The following KATNBL1 variants were observed in gnomAD, a reference collection of about 807,000 sequenced individuals.
KATNBL1 encodes KATNB1-like protein 1.
In KATNBL1, 28 loss-of-function variants were observed where a neutral mutation model predicts 44.7. That is an observed-to-expected ratio of 0.63 (90% CI 0.46 to 0.86). The LOEUF (loss-of-function observed/expected upper bound fraction) is 0.86. Ranked by LOEUF, KATNBL1 falls within the 40% of genes least tolerant of loss-of-function variation. The probability of loss-of-function intolerance (pLI) is 0.00; values close to 1 mark genes in which losing one functional copy is unlikely to be tolerated. For synonymous variants in KATNBL1, 78 were observed against 114.9 expected, an observed-to-expected ratio of 0.68 and a Z score of 2.06; for missense variants, 272 against 350.7, an observed-to-expected ratio of 0.78 and a Z score of 1.79.
intron 1 of KATNBL1, among the ~76,000 whole-genome samples, chr15:34,189,661 A>G (rs1889818648): frequency 6.6e-6 from 1 of 152,238 alleles, no homozygotes; most frequent in Non-Finnish European, 1.5e-5. Context: ...ACAGTTTCCT[A>G]AACAAAAAGA....
At chr15:34,204,591 T>A (rs1890246633) in intron 1 of KATNBL1, among the ~76,000 whole-genome samples, 1 of 152,218 alleles carries the variant, frequency 6.6e-6, no homozygotes, top group African/African-American at 2.4e-5. Context: ...CATGGAGTTT[T>A]AAGGAATTCT....
intron 1 of KATNBL1, among the ~76,000 whole-genome samples, chr15:34,206,953 T>C (rs1435758985): frequency 6.6e-6 from 1 of 152,020 alleles, no homozygotes; most frequent in Non-Finnish European, 1.5e-5. Context: ...CTAACATGGA[T>C]CAACAAATAT....
At chr15:34,205,432 G>A (rs1458381802) in intron 1 of KATNBL1, among the ~76,000 whole-genome samples, 1 of 152,184 alleles carries the variant, frequency 6.6e-6, no homozygotes, top group Non-Finnish European at 1.5e-5. Context: ...GAATGGCTAG[G>A]ACATAGGTTT....
chr15:34,172,253 A>ATTTTTTTT (rs1260376752), intron 1 of KATNBL1, among the ~76,000 whole-genome samples: 6 of 46,836 alleles, frequency 1.3e-4, no homozygotes, highest in African/African-American at 3.2e-4. Context: ...GGAGGAACAT[A>ATTTTTTTT]TTCTTTTTTT....
At chr15:34,177,524 A>G (rs1410629701) in intron 1 of KATNBL1, among the ~76,000 whole-genome samples, 2 of 150,604 alleles carry the variant, frequency 1.3e-5, no homozygotes, top group Non-Finnish European at 3.0e-5. Flanking sequence ...CACGCCTGTA[A>G]TCCCAGCTAC....
intron 1 of KATNBL1, among the ~76,000 whole-genome samples, chr15:34,192,449 T>G (rs1470621983): frequency 2.7e-5 from 4 of 146,746 alleles, no homozygotes. Context: ...TTACAAGAAA[T>G]AGGATACCAG....
chr15:34,166,560 G>A (rs893388522), intron 1 of KATNBL1, among the ~76,000 whole-genome samples: 1 of 152,218 alleles, frequency 6.6e-6, no homozygotes, highest in Admixed American at 6.5e-5. Flanking sequence ...AAACTTCCCA[G>A]TCTGATAGCT....
chr15:34,191,917 A>G (rs139836057), intron 1 of KATNBL1, among the ~76,000 whole-genome samples: 2,004 of 148,352 alleles, frequency 0.014, 55 homozygotes, highest in African/African-American at 0.047. Context: ...ACTACACTCC[A>G]GCCTGGGCCA....
At chr15:34,198,085 G>GC (rs1049555583) in intron 1 of KATNBL1, among the ~76,000 whole-genome samples, 1 of 152,086 alleles carries the variant, frequency 6.6e-6, no homozygotes, top group Non-Finnish European at 1.5e-5. Flanking sequence ...AAAAGAGGAC[G>GC]ATACGCTAAT....
intron 1 of KATNBL1, among the ~76,000 whole-genome samples, chr15:34,179,790 C>A (rs1443118434): frequency 1.3e-5 from 2 of 152,160 alleles, no homozygotes; most frequent in Non-Finnish European, 2.9e-5. Context: ...GTGCTCCCCC[C>A]CACCATCACT....
At chr15:34,183,520 C>T (rs1007543388) in intron 1 of KATNBL1, among the ~76,000 whole-genome samples, 3 of 152,260 alleles carry the variant, frequency 2.0e-5, no homozygotes, top group Non-Finnish European at 4.4e-5. Flanking sequence ...AGCTCTATAA[C>T]CTTGGAAACA....
intron 4 of KATNBL1, among the ~76,000 whole-genome samples, chr15:34,149,914 T>A (rs759446585): frequency 1.3e-5 from 2 of 152,228 alleles, no homozygotes; most frequent in Non-Finnish European, 2.9e-5. Flanking sequence ...TATTCTCTAG[T>A]CTTTACATAC....
intron 1 of KATNBL1, among the ~76,000 whole-genome samples, chr15:34,207,883 C>A (rs1359534927): frequency 2.6e-5 from 4 of 152,174 alleles, no homozygotes; most frequent in Admixed American, 2.0e-4. Flanking sequence ...GATTACCAAC[C>A]CTGCCTAGCC....
chr15:34,187,532 T>C (rs1038649409), intron 1 of KATNBL1, among the ~76,000 whole-genome samples: 5 of 152,206 alleles, frequency 3.3e-5, no homozygotes, highest in Admixed American at 2.6e-4. Flanking sequence ...AATCTAATAC[T>C]ATAGTTTTCA....
chr15:34,164,783 G>C (rs1217610273), intron 1 of KATNBL1, among the ~76,000 whole-genome samples: 2 of 152,196 alleles, frequency 1.3e-5, no homozygotes, highest in Non-Finnish European at 2.9e-5. Context: ...ATGGTGCTCA[G>C]AGATCCTGTT....
At chr15:34,148,800 G>T in intron 4 of KATNBL1, 50 bp from the exon 5 acceptor site, 1 of 1,037,262 alleles carries the variant, frequency 9.6e-7, no homozygotes, top group Non-Finnish European at 1.5e-6. Context: ...AACAGGGTAT[G>T]AAACTATTTT....
In KATNBL1 at chr15:34,149,287, A is replaced by G. The variant is rs141155549; in HGVS notation, c.439-537T>C. Among the ~76,000 whole-genome samples the G allele has an allele frequency of 5.1e-3, 772 of 152,364 alleles. 5 individuals carry two copies. The highest frequency in any genetic ancestry group is 0.017 in the African/African-American group (727 of 41,588). On this transcript the variant is annotated intron_variant, in intron 4 of 9. Coordinates refer to ENST00000256544, the MANE Select transcript of KATNBL1 (RefSeq NM_024713.3). ...AAATAATCACAGTTAACAGACTGAT[A>G]TGTATCTTTCCAGACCATTTTCTAG...
chr15:34,200,362 C>T (rs937835649), intron 1 of KATNBL1, among the ~76,000 whole-genome samples: 7 of 151,930 alleles, frequency 4.6e-5, no homozygotes, highest in African/African-American at 1.2e-4. Flanking sequence ...AAGAGATTCT[C>T]GTGCCTCAGC....
intron 1 of KATNBL1, among the ~76,000 whole-genome samples, chr15:34,192,721 A>G (rs778469608): frequency 9.9e-5 from 15 of 152,218 alleles, no homozygotes; most frequent in Admixed American, 5.9e-4. Context: ...GGATTTGGGT[A>G]TAGGGAGAAG....
Sources: allele counts gnomAD v4.1 joint callset (sites outside exome capture counted in the v4.1 genomes callset), GRCh38; gene constraint gnomAD v4.1.1; transcripts MANE v1.5; gene names NCBI Gene and HGNC (gene_info 2026-07-23, HGNC 2026-07-21).